WARS2: variants seen among roughly 807,000 people sequenced by gnomAD.
WARS2 encodes tryptophan--tRNA ligase, mitochondrial.
WARS2 carries 28 observed loss-of-function variants against 36.5 expected under a neutral mutation model. The ratio of observed to expected loss-of-function variants is 0.77; its 90% confidence interval spans 0.57 to 1.05. The LOEUF is 1.05. Ranked by LOEUF, WARS2 falls within the 50% of genes least tolerant of loss-of-function variation. The pLI is 0.00. For missense variants in WARS2, 435 were observed against 456.8 expected (o/e 0.95, Z 0.44); for synonymous variants, 174 against 178.4 (o/e 0.98, Z 0.20).
rs1020750714 is a variant in WARS2, at chr1:119,032,426, A to G, written c.*485T>C. The G allele has an allele frequency of 6.5e-6, 1 of 154,050 alleles. No homozygotes were observed. The highest frequency in any genetic ancestry group is 2.0e-4 in the South Asian group (1 of 4,904). 9.5% of individuals were successfully genotyped at this position (154,050 alleles called of 1,614,324 possible). On this transcript the variant is annotated 3_prime_UTR_variant, in exon 6 of 6. Coordinates refer to ENST00000235521, the MANE Select transcript of WARS2 (RefSeq NM_015836.4). ...GCACCGTCTCAGTGACAAACAAACTATAAGAATGGACTTGTTTTTATGAGC... is the reference window on the plus strand; with the variant it reads ...GCACCGTCTCAGTGACAAACAAACTGTAAGAATGGACTTGTTTTTATGAGC...
chr1:119,075,410 G>C (rs1301110898), intron 2 of WARS2, among the ~76,000 whole-genome samples: 10 of 152,106 alleles, frequency 6.6e-5, no homozygotes, highest in Admixed American at 6.6e-4. Flanking sequence ...AGCTTTGGTG[G>C]TCCTGGAGCC....
At chr1:119,108,170 T>C (rs1654375960) in intron 1 of WARS2, among the ~76,000 whole-genome samples, 1 of 152,044 alleles carries the variant, frequency 6.6e-6, no homozygotes, top group Non-Finnish European at 1.5e-5. Flanking sequence ...TTTTGTCTTT[T>C]ATTGGTATAG....
chr1:119,076,381 G>A lies in WARS2; in HGVS notation c.317C>T (p.Pro106Leu), dbSNP rs753188889. Residue 106 changes from proline to leucine, a missense_variant, in exon 2 of 6, where the codon CCG becomes CTG. By Grantham distance (98) the Pro-to-Leu change is moderately conservative. Coordinates refer to ENST00000235521, the MANE Select transcript of WARS2 (RefSeq NM_015836.4). ...TTGTTGGAAAAGGATGCTTTTTTCC[G>A]GGTTTATGCCACAGGCAAGAAGAAC... Reference protein sequence around the residue: ...TAVLLACGINPEKSILFQQSQ... With the variant: ...TAVLLACGINLEKSILFQQSQ... 26 of 1,613,844 alleles carry A rather than the reference G, an allele frequency of 1.6e-5. No homozygotes were observed. Among genetic ancestry groups the A allele is most frequent in the Admixed American group, 6.7e-5 (4 of 59,990 alleles).
At chr1:119,056,900 T>C (rs1649864849) in intron 2 of WARS2, among the ~76,000 whole-genome samples, 2 of 152,046 alleles carry the variant, frequency 1.3e-5, no homozygotes, top group South Asian at 2.1e-4. Flanking sequence ...TACCTAGGAG[T>C]AGAATTGCTG....
At chr1:119,107,479 G>A (rs377257661) in intron 1 of WARS2, among the ~76,000 whole-genome samples, 6 of 152,014 alleles carry the variant, frequency 3.9e-5, no homozygotes, top group South Asian at 2.1e-4. Context: ...GTCTAGATTC[G>A]TGTCTTTCAA....
Position 119,031,921 on chromosome 1 carries a change from T to C in WARS2, c.*990A>G, listed in dbSNP as rs560459549. 10 of 152,822 alleles carry C rather than the reference T, an allele frequency of 6.5e-5. No homozygotes were observed. Among genetic ancestry groups the C allele is most frequent in the East Asian group, 3.9e-4 (2 of 5,186 alleles). 9.5% of individuals were successfully genotyped at this position (152,822 alleles called of 1,614,324 possible). A position where few individuals can be genotyped will look rare whatever the true frequency, so the allele number is the denominator to read the frequency against. On this transcript the variant is annotated 3_prime_UTR_variant, in exon 6 of 6. Coordinates refer to ENST00000235521, the MANE Select transcript of WARS2 (RefSeq NM_015836.4). Reference sequence around the variant, plus strand: ...AATCCAGATTTTAAGTTCGCATCCATTGGCTGAATTGATGATATAAAAAAC... The same window carrying C: ...AATCCAGATTTTAAGTTCGCATCCACTGGCTGAATTGATGATATAAAAAAC...
intron 4 of WARS2, among the ~76,000 whole-genome samples, chr1:119,040,117 T>C (rs1648225241): frequency 6.6e-6 from 1 of 152,214 alleles, no homozygotes; most frequent in Non-Finnish European, 1.5e-5. Context: ...TATTGAGCAA[T>C]TAGGAACTTC....
chr1:119,062,362 A>G (rs373210933), intron 2 of WARS2, among the ~76,000 whole-genome samples: 1 of 152,142 alleles, frequency 6.6e-6, no homozygotes. Context: ...ACCTACAAAG[A>G]TAGCATGGTG....
At chr1:119,056,186 AT>A (rs751264352) in intron 2 of WARS2, among the ~76,000 whole-genome samples, 23,817 of 116,092 alleles carry the variant, frequency 0.21, 1,608 homozygotes, top group Non-Finnish European at 0.23. Context: ...TGCCTGGCTA[AT>A]TTTTTTTTTT....
chr1:119,113,320 G>A (rs962472161), intron 1 of WARS2, among the ~76,000 whole-genome samples: 5 of 152,110 alleles, frequency 3.3e-5, no homozygotes, highest in African/African-American at 1.2e-4. Flanking sequence ...CCCCCTGTAA[G>A]AGTCATATGC....
At chr1:119,085,988 G>C in intron 1 of WARS2, 2 of 1,604,532 alleles carry the variant, frequency 1.2e-6, no homozygotes, top group Non-Finnish European at 1.7e-6. Context: ...TCAGGTATCA[G>C]TGCCCAGGCA....
intron 2 of WARS2, among the ~76,000 whole-genome samples, chr1:119,055,591 G>A (rs1390681313): frequency 3.3e-5 from 5 of 151,938 alleles, no homozygotes; most frequent in Admixed American, 2.0e-4. Flanking sequence ...ATAGTGAGTC[G>A]AGACCATGCC....
At chr1:119,068,989 C>A (rs1651095208) in intron 2 of WARS2, among the ~76,000 whole-genome samples, 1 of 152,148 alleles carries the variant, frequency 6.6e-6, no homozygotes, top group African/African-American at 2.4e-5. Context: ...TGAGAAAAAT[C>A]TTCAGTAAGT....
rs1398132941 is a variant in WARS2 at position 119,033,033 on chromosome 1, T to C, written c.961A>G (p.Ile321Val). The change falls in exon 6 of 6, where the codon ATT becomes GTT. Residue 321 changes from isoleucine (I) to valine (V), a missense_variant. Coordinates refer to ENST00000235521, the MANE Select transcript of WARS2 (RefSeq NM_015836.4). ...TCCTTGTCCAGCTTCAGTTTTTCAATTTCACGCTTAATTGGGGCAAACTTC... is the reference window on the plus strand; with the variant it reads ...TCCTTGTCCAGCTTCAGTTTTTCAACTTCACGCTTAATTGGGGCAAACTTC... ...IEKFAPIKREIEKLKLDKDHL... is the reference protein window; with the variant it reads ...IEKFAPIKREVEKLKLDKDHL... 1 of 1,614,122 alleles carries C rather than the reference T, an allele frequency of 6.2e-7. No homozygotes were observed. Among genetic ancestry groups the C allele is most frequent in the Non-Finnish European group, 8.5e-7 (1 of 1,180,044 alleles).
chr1:119,122,988 C>T (rs999978159), intron 1 of WARS2, among the ~76,000 whole-genome samples: 4 of 152,094 alleles, frequency 2.6e-5, no homozygotes, highest in Non-Finnish European at 5.9e-5. Context: ...GAGTTCTTAA[C>T]TTGGGTTTAT....
chr1:119,065,582 C>G (rs1246564894), intron 2 of WARS2, among the ~76,000 whole-genome samples: 2 of 149,142 alleles, frequency 1.3e-5, no homozygotes, highest in African/African-American at 5.0e-5. Flanking sequence ...TTGCAGTGAG[C>G]CAAGATCATG....
intron 1 of WARS2, among the ~76,000 whole-genome samples, chr1:119,119,988 G>A (rs587729891): frequency 1.3e-5 from 2 of 151,966 alleles, no homozygotes; most frequent in South Asian, 2.1e-4. Flanking sequence ...ACAATCTAAG[G>A]TCACATTTCA....
At chr1:119,136,146 A>G (rs1467262522) in intron 1 of WARS2, among the ~76,000 whole-genome samples, 3 of 151,996 alleles carry the variant, frequency 2.0e-5, no homozygotes, top group Non-Finnish European at 4.4e-5. Context: ...GTGTGTGTGT[A>G]CATATAGTTG....
intron 1 of WARS2, among the ~76,000 whole-genome samples, chr1:119,115,623 T>G (rs930661710): frequency 2.0e-5 from 3 of 152,158 alleles, no homozygotes; most frequent in African/African-American, 7.2e-5. Flanking sequence ...CCCTATGAGC[T>G]TTTCAGGGAT....
Sources: allele counts gnomAD v4.1 joint callset (sites outside exome capture counted in the v4.1 genomes callset), GRCh38; gene constraint gnomAD v4.1.1; transcripts MANE v1.5; gene names NCBI Gene and HGNC (gene_info 2026-07-23, HGNC 2026-07-21).